The following HLCS variants were observed in gnomAD, a reference collection of about 807,000 sequenced individuals.
The protein encoded by HLCS is biotin--protein ligase.
HLCS carries 53 observed loss-of-function variants against 75.0 expected under a neutral mutation model. That is an observed-to-expected ratio of 0.71 (90% CI 0.57 to 0.89). HLCS has a LOEUF of 0.89. Among genes scored for constraint, HLCS ranks in the 40% least tolerant of loss-of-function variants. The pLI, the probability that HLCS is intolerant of heterozygous loss-of-function variation, is 0.00. For synonymous variants in HLCS, 431 were observed against 428.6 expected (o/e 1.01, Z -0.07); for missense variants, 966 against 1,074.0 (o/e 0.90, Z 1.41).
intron 4 of HLCS, among the ~76,000 whole-genome samples, chr21:36,932,696 T>C (rs1273084809): frequency 4.6e-5 from 7 of 152,214 alleles, no homozygotes; most frequent in Non-Finnish European, 2.9e-5. Context: ...TTGCCTACTG[T>C]ATGCAAAGCT....
At chr21:36,864,818 C>A (rs897064962) in intron 6 of HLCS, among the ~76,000 whole-genome samples, 1 of 152,046 alleles carries the variant, frequency 6.6e-6, no homozygotes, top group African/African-American at 2.4e-5. Flanking sequence ...TTCTACTTTC[C>A]ATTTTTTATA....
rs117392965 is a variant in HLCS at position 36,782,121 on chromosome 21, T to C, written c.1893-14836A>G. ...GATGCTCATTAGTGATACTGGCCTG[T>C]AATTTTTATACTGTCTTTAACAGAT... On this transcript the variant is annotated intron_variant, in intron 6 of 10. Coordinates refer to ENST00000674895, the MANE Select transcript of HLCS (RefSeq NM_001352514.2). Among the ~76,000 whole-genome samples the C allele has an allele frequency of 2.7e-3, 417 of 152,324 alleles. 1 individual carries two copies. Among genetic ancestry groups the C allele is most frequent in the Non-Finnish European group, 4.5e-3 (307 of 68,032 alleles).
At chr21:36,902,019 GGT>G in intron 5 of HLCS, among the ~76,000 whole-genome samples, 1 of 152,170 alleles carries the variant, frequency 6.6e-6, no homozygotes, top group Non-Finnish European at 1.5e-5. Context: ...CAGTTTGGAA[GGT>G]TGGAAGACGA....
intron 2 of HLCS, among the ~76,000 whole-genome samples, chr21:36,959,448 ATGAC>A (rs1416605835): frequency 6.6e-6 from 1 of 152,186 alleles, no homozygotes; most frequent in Non-Finnish European, 1.5e-5. Flanking sequence ...CTTGGACAAC[ATGAC>A]TGACAGCAGA....
chr21:36,961,989 T>C, intron 2 of HLCS, 47 bp downstream of exon 2: 1 of 1,177,210 alleles, frequency 8.5e-7, no homozygotes, highest in Non-Finnish European at 1.1e-6. Flanking sequence ...TGGTTTTGAC[T>C]AAGACACATC....
intron 6 of HLCS, among the ~76,000 whole-genome samples, chr21:36,831,015 A>C (rs1189250493): frequency 6.6e-6 from 1 of 152,136 alleles, no homozygotes; most frequent in Non-Finnish European, 1.5e-5. Context: ...AATTCGGTTT[A>C]AATCTTATCT....
intron 6 of HLCS, among the ~76,000 whole-genome samples, chr21:36,830,152 C>A (rs535563921): frequency 6.6e-6 from 1 of 152,278 alleles, no homozygotes; most frequent in Admixed American, 6.5e-5. Flanking sequence ...ACGACAGCCT[C>A]TACAAGCCAG....
intron 9 of HLCS, 77 bp from the exon 10 acceptor site, chr21:36,756,832 TAC>T: frequency 2.5e-6 from 4 of 1,609,206 alleles, no homozygotes; most frequent in East Asian, 2.2e-5. Flanking sequence ...TGGAAAAAGT[TAC>T]AGTCTTGACT....
intron 5 of HLCS, among the ~76,000 whole-genome samples, chr21:36,898,446 CAAA>C (rs58625493): frequency 2.0e-5 from 1 of 49,536 alleles, no homozygotes; most frequent in Middle Eastern, 0.017. Context: ...AACTCCATCT[CAAA>C]AAAAAAAAAA....
chr21:36,946,535 T>G (rs1005286042), intron 2 of HLCS, among the ~76,000 whole-genome samples: 1 of 152,054 alleles, frequency 6.6e-6, no homozygotes, highest in Non-Finnish European at 1.5e-5. Context: ...AGCCACCATG[T>G]CCGGCCCCCC....
upstream of HLCS, among the ~76,000 whole-genome samples, chr21:36,970,463 G>A (rs1273601102): frequency 6.6e-6 from 1 of 152,044 alleles, no homozygotes; most frequent in Non-Finnish European, 1.5e-5. Flanking sequence ...CAACTCCTGA[G>A]CTCAAGCCAT....
At chr21:36,910,019 G>C (rs991437112) in intron 5 of HLCS, among the ~76,000 whole-genome samples, 5 of 152,208 alleles carry the variant, frequency 3.3e-5, no homozygotes, top group African/African-American at 1.2e-4. Flanking sequence ...ATCAGAAAAT[G>C]AATCATCAAA....
intron 1 of HLCS, 64 bp from the exon 2 acceptor site, chr21:36,962,234 A>AC: frequency 8.7e-7 from 1 of 1,155,146 alleles, no homozygotes; most frequent in Non-Finnish European, 1.1e-6. Flanking sequence ...ATAAATTTCA[A>AC]CCCCCTCTGA....
intron 6 of HLCS, among the ~76,000 whole-genome samples, chr21:36,807,117 A>G (rs1426390913): frequency 2.0e-5 from 3 of 152,360 alleles, no homozygotes; most frequent in East Asian, 3.9e-4. Context: ...AGGAGTTGCC[A>G]TCCCATTACT....
intron 6 of HLCS, among the ~76,000 whole-genome samples, chr21:36,828,943 A>C (rs2146038512): frequency 6.6e-6 from 1 of 152,370 alleles, no homozygotes; most frequent in Non-Finnish European, 1.5e-5. Flanking sequence ...CTACTAATCA[A>C]GGAAAATGCA....
chr21:36,909,940 T>C (rs1239026397), intron 5 of HLCS, among the ~76,000 whole-genome samples: 1 of 152,214 alleles, frequency 6.6e-6, no homozygotes, highest in Admixed American at 6.5e-5. Context: ...TTTGCCTCAT[T>C]GCAAATAATA....
intron 6 of HLCS, among the ~76,000 whole-genome samples, chr21:36,869,581 G>C (rs551553512): frequency 6.6e-6 from 1 of 152,182 alleles, no homozygotes; most frequent in East Asian, 1.9e-4. Flanking sequence ...TTATTAAAAA[G>C]CACTGTGAGA....
In HLCS at chr21:36,966,486, G is replaced by C. The variant is rs970793422; in HGVS notation, c.153C>G (p.Cys51Trp). The change falls in exon 1 of 11, where the codon TGC becomes TGG. Residue 51 changes from cysteine (C) to tryptophan (W), a missense_variant. Coordinates refer to ENST00000674895, the MANE Select transcript of HLCS (RefSeq NM_001352514.2). Reference sequence around the variant, plus strand: ...AGAAGACGCGGCCGCCACGGCTCAGGCACACGCGGGCGCCCGGGGGCTGCG... The same window carrying C: ...AGAAGACGCGGCCGCCACGGCTCAGCCACACGCGGGCGCCCGGGGGCTGCG... The part of the protein sequence containing the change: ...AAAQPPGARV[C>W]LSRGGRVFCV... 18 of 984,264 alleles carry C rather than the reference G, an allele frequency of 1.8e-5. No homozygotes were observed. The highest frequency in any genetic ancestry group is 1.8e-5 in the Non-Finnish European group (15 of 830,560). 61.0% of individuals were successfully genotyped at this position (984,264 alleles called of 1,614,324 possible).
At chr21:36,856,193 A>G (rs1328897540) in intron 6 of HLCS, among the ~76,000 whole-genome samples, 1 of 152,206 alleles carries the variant, frequency 6.6e-6, no homozygotes, top group African/African-American at 2.4e-5. Context: ...AAACCACCGA[A>G]TTAATTGTAT....
Sources: allele counts gnomAD v4.1 joint callset (sites outside exome capture counted in the v4.1 genomes callset), GRCh38; gene constraint gnomAD v4.1.1; transcripts MANE v1.5; gene names NCBI Gene and HGNC (gene_info 2026-07-23, HGNC 2026-07-21).